The following TNS3 variants were observed in gnomAD, a reference collection of about 807,000 sequenced individuals.
The protein encoded by TNS3 is tensin 3, also known as tensin-3.
Under a neutral mutation model 140.9 loss-of-function variants are expected in TNS3, and 45 were observed. The observed-to-expected ratio is 0.32, with a 90% CI of 0.25 to 0.41. The LOEUF (loss-of-function observed/expected upper bound fraction) is 0.41. TNS3 is among the 10% of genes least tolerant of loss of function. The pLI is 1.00. For missense variants in TNS3, 1,716 were observed against 1,906.7 expected, an observed-to-expected ratio of 0.90 and a Z score of 1.86; for synonymous variants, 815 against 788.4, an observed-to-expected ratio of 1.03 and a Z score of -0.56.
chr7:47,376,532 G>A (rs1454811422), intron 16 of TNS3, among the ~76,000 whole-genome samples: 1 of 152,184 alleles, frequency 6.6e-6, no homozygotes, highest in African/African-American at 2.4e-5. Context: ...TGTGAAGCAG[G>A]AAACGGGAAG....
At chr7:47,325,973 C>T (rs189414568) in intron 20 of TNS3, among the ~76,000 whole-genome samples, 274 of 152,304 alleles carry the variant, frequency 1.8e-3, no homozygotes, top group Non-Finnish European at 3.0e-3. Context: ...TAGAACCATG[C>T]GGATTATCAG....
rs562972933 is a variant in TNS3 at position 47,305,623 on chromosome 7, G to A, written c.2651-620C>T. 2.1e-4 allele frequency among the ~76,000 whole-genome samples: 32 copies of A among 152,364 alleles called. 1 individual carries two copies. In the South Asian group the frequency reaches 3.3e-3, roughly 16 times the overall value. On this transcript the variant is annotated intron_variant, in intron 20 of 30. Transcript: ENST00000311160. ...ACCCCGCTGCTTCAAAGGCCACACCGTGGGGTGCAGAAGCCACCCTCGCAG... is the reference window on the plus strand; with the variant it reads ...ACCCCGCTGCTTCAAAGGCCACACCATGGGGTGCAGAAGCCACCCTCGCAG...
intron 4 of TNS3, among the ~76,000 whole-genome samples, chr7:47,476,471 G>A (rs1030150001): frequency 5.3e-5 from 8 of 152,192 alleles, no homozygotes; most frequent in African/African-American, 1.7e-4. Flanking sequence ...CAATGGTGAA[G>A]CATTCTCTCT....
At position 47,439,598 on chromosome 7, in the gene TNS3, C is replaced by T. The variant is rs746968873; in HGVS notation, c.39G>A (p.Thr13=). 36 of 1,613,900 alleles carry T rather than the reference C, an allele frequency of 2.2e-5. No homozygotes were observed. The highest frequency in any genetic ancestry group is 2.8e-5 in the Non-Finnish European group (33 of 1,179,986). Residue 13 remains threonine, a synonymous_variant, in exon 6 of 31, where the codon ACG becomes ACA. Coordinates refer to ENST00000311160, the MANE Select transcript of TNS3 (RefSeq NM_022748.12). The part of the protein sequence containing the change: ...EGHGLDLTYI[T]ERIIAVSFPA... ...GGAAGGACACAGCGATGATGCGCTC[C>T]GTGATGTAAGTGAGGTCCAGCCCAT...
At chr7:47,462,895 G>A (rs1796546345) in intron 4 of TNS3, among the ~76,000 whole-genome samples, 1 of 152,174 alleles carries the variant, frequency 6.6e-6, no homozygotes, top group Non-Finnish European at 1.5e-5. Context: ...GCCAGAAAGT[G>A]GGCTGGGATC....
At chr7:47,437,944 T>C (rs567735484) in intron 6 of TNS3, among the ~76,000 whole-genome samples, 4 of 151,308 alleles carry the variant, frequency 2.6e-5, no homozygotes, top group African/African-American at 9.7e-5. Flanking sequence ...TGGAAAGGGC[T>C]GAGTTCATGC....
chr7:47,474,689 A>G (rs574141297), intron 4 of TNS3, among the ~76,000 whole-genome samples: 1 of 149,774 alleles, frequency 6.7e-6, no homozygotes, highest in South Asian at 2.1e-4. Context: ...AACACCTCAC[A>G]CATAATACAC....
intron 12 of TNS3, among the ~76,000 whole-genome samples, chr7:47,412,653 C>A (rs927144289): frequency 2.0e-5 from 3 of 152,102 alleles, no homozygotes; most frequent in African/African-American, 7.2e-5. Context: ...GAAAGAAAAA[C>A]CATAGTAGTG....
At chr7:47,340,032 T>C (rs1788870725) in intron 20 of TNS3, among the ~76,000 whole-genome samples, 1 of 144,532 alleles carries the variant, frequency 6.9e-6, no homozygotes, top group Non-Finnish European at 1.5e-5. Context: ...TAAATATATG[T>C]ATACATATGT....
chr7:47,470,346 A>T, intron 4 of TNS3: 1 of 708,904 alleles, frequency 1.4e-6, no homozygotes, highest in Non-Finnish European at 1.7e-6. Context: ...TGAAGTTTTT[A>T]AACTTTAAAA....
chr7:47,347,471 G>T (rs1584453173), intron 17 of TNS3, among the ~76,000 whole-genome samples: 1 of 152,098 alleles, frequency 6.6e-6, no homozygotes, highest in Non-Finnish European at 1.5e-5. Context: ...ATGCCTGCCT[G>T]AGAGGAGCAG....
chr7:47,521,256 T>G (rs1250060021), intron 2 of TNS3, among the ~76,000 whole-genome samples: 1 of 152,106 alleles, frequency 6.6e-6, no homozygotes, highest in Non-Finnish European at 1.5e-5. Context: ...TGCAAATACC[T>G]CTGATAAAGC....
rs944543231 is a variant in TNS3, at chr7:47,303,101, C to T, written c.3306G>A (p.Lys1102=). The stretch of plus-strand genomic sequence containing the variant: ...AAGAACGATCCCCCTCCGAGGCCCG[C>T]TTCTTCTCAGGGAGGGGTGGCTGCC... The part of the protein sequence containing the change: ...LPGQPPLPEK[K]RASEGDRSLG... The change falls in exon 22 of 31, where the codon AAG becomes AAA. Residue 1102 remains lysine (K), a synonymous_variant. Coordinates refer to ENST00000311160, the MANE Select transcript of TNS3 (RefSeq NM_022748.12). 15 of 1,614,006 alleles carry T rather than the reference C, an allele frequency of 9.3e-6. No individual in the cohort carries two copies. The highest frequency in any genetic ancestry group is 1.3e-5 in the Non-Finnish European group (15 of 1,179,990).
At chr7:47,329,678 G>T (rs1275489141) in intron 20 of TNS3, among the ~76,000 whole-genome samples, 1 of 152,312 alleles carries the variant, frequency 6.6e-6, no homozygotes, top group East Asian at 1.9e-4. Context: ...GACAGAGCAG[G>T]CTCAGCGGAA....
intron 1 of TNS3, among the ~76,000 whole-genome samples, chr7:47,563,014 C>G (rs1800348492): frequency 6.6e-6 from 1 of 152,222 alleles, no homozygotes; most frequent in African/African-American, 2.4e-5. Context: ...CCAGCCTTCT[C>G]TGGCCATACC....
chr7:47,484,643 C>T (rs1195212714), intron 3 of TNS3, among the ~76,000 whole-genome samples: 1 of 152,206 alleles, frequency 6.6e-6, no homozygotes, highest in African/African-American at 2.4e-5. Context: ...ACAGTGCTTC[C>T]GTGCACAGAG....
At chr7:47,499,630 T>C (rs987327354) in intron 3 of TNS3, among the ~76,000 whole-genome samples, 2 of 152,186 alleles carry the variant, frequency 1.3e-5, no homozygotes, top group Non-Finnish European at 2.9e-5. Context: ...AGGCTACACA[T>C]GTATGATTCC....
chr7:47,554,375 G>A (rs1446084242), intron 1 of TNS3, among the ~76,000 whole-genome samples: 10 of 149,952 alleles, frequency 6.7e-5, no homozygotes, highest in African/African-American at 1.7e-4. Context: ...CTGAGATTGC[G>A]CCACTGCACT....
intron 3 of TNS3, among the ~76,000 whole-genome samples, chr7:47,484,870 C>T (rs765372822): frequency 6.6e-6 from 1 of 152,198 alleles, no homozygotes; most frequent in Non-Finnish European, 1.5e-5. Flanking sequence ...CACCGTGGGT[C>T]GGGGCCAACT....
Sources: allele counts gnomAD v4.1 joint callset (sites outside exome capture counted in the v4.1 genomes callset), GRCh38; gene constraint gnomAD v4.1.1; transcripts MANE v1.5; gene names NCBI Gene and HGNC (gene_info 2026-07-23, HGNC 2026-07-21).